TMEM132D: variants seen among roughly 807,000 people sequenced by gnomAD.
The protein encoded by TMEM132D is mature OL transmembrane protein.
TMEM132D carries 21 observed loss-of-function variants against 62.3 expected under a neutral mutation model. That is an observed-to-expected ratio of 0.34 (90% CI 0.24 to 0.49). The LOEUF (loss-of-function observed/expected upper bound fraction) is 0.49, where lower values mean the gene tolerates loss of function less well. Ranked by LOEUF, TMEM132D falls within the 20% of genes least tolerant of loss-of-function variation. The pLI is 0.99. For synonymous variants in TMEM132D, 621 were observed against 575.6 expected (o/e 1.08, Z -1.13); for missense variants, 1,346 against 1,402.8 (o/e 0.96, Z 0.65).
At chr12:129,525,064 T>G (rs1875980576) in intron 3 of TMEM132D, among the ~76,000 whole-genome samples, 1 of 148,744 alleles carries the variant, frequency 6.7e-6, no homozygotes, top group South Asian at 2.1e-4. Context: ...TAGCTGGGAC[T>G]ACAGGCGCCC....
intron 3 of TMEM132D, among the ~76,000 whole-genome samples, chr12:129,487,944 A>AG: frequency 8.0e-6 from 1 of 125,020 alleles, no homozygotes; most frequent in East Asian, 3.9e-4. Flanking sequence ...CTCAAAAAAA[A>AG]AAAAAAAAAA....
chr12:129,759,406 A>G (rs1347755379), intron 1 of TMEM132D, among the ~76,000 whole-genome samples: 1 of 152,210 alleles, frequency 6.6e-6, no homozygotes, highest in African/African-American at 2.4e-5. Context: ...CTAAGATCCA[A>G]AGGCCCTTTG....
At chr12:129,300,817 G>A (rs887183434) in intron 4 of TMEM132D, among the ~76,000 whole-genome samples, 2 of 152,174 alleles carry the variant, frequency 1.3e-5, no homozygotes, top group Non-Finnish European at 2.9e-5. Flanking sequence ...GATAGTTGCT[G>A]TTAGAAATAT....
intron 2 of TMEM132D, among the ~76,000 whole-genome samples, chr12:129,560,483 T>C (rs551787031): frequency 2.0e-5 from 3 of 152,226 alleles, no homozygotes; most frequent in East Asian, 3.9e-4. Flanking sequence ...TTGGCCATGC[T>C]GGTCTTGAAC....
intron 4 of TMEM132D, among the ~76,000 whole-genome samples, chr12:129,242,040 C>T (rs58784471): frequency 0.23 from 34,457 of 152,112 alleles, 4,044 homozygotes; most frequent in Non-Finnish European, 0.26. Flanking sequence ...CCTGGGGATT[C>T]GGCCAAGGGG....
chr12:129,697,622 G>A (rs532523637), intron 2 of TMEM132D, among the ~76,000 whole-genome samples: 6 of 152,148 alleles, frequency 3.9e-5, no homozygotes, highest in Non-Finnish European at 8.8e-5. Context: ...TAATTGATGG[G>A]CTCTGAACAA....
intron 5 of TMEM132D, among the ~76,000 whole-genome samples, chr12:129,101,619 A>G (rs552562911): frequency 4.6e-5 from 7 of 152,346 alleles, no homozygotes; most frequent in African/African-American, 1.7e-4. Flanking sequence ...GAGGTTGCTT[A>G]GTTACTAAGC....
intron 3 of TMEM132D, among the ~76,000 whole-genome samples, chr12:129,470,183 AG>A (rs1785478570): frequency 6.6e-6 from 1 of 152,232 alleles, no homozygotes; most frequent in South Asian, 2.1e-4. Flanking sequence ...GGACTATAAA[AG>A]CGATTTGTTT....
chr12:129,696,173 C>A (rs998687768), intron 2 of TMEM132D, among the ~76,000 whole-genome samples: 1 of 152,138 alleles, frequency 6.6e-6, no homozygotes, highest in African/African-American at 2.4e-5. Context: ...ATCGTCTGAG[C>A]CTCATCAATG....
At chr12:129,081,706 G>C (rs2135615489) in intron 7 of TMEM132D, 53 bp downstream of exon 7, 1 of 1,529,952 alleles carries the variant, frequency 6.5e-7, no homozygotes. Context: ...AGGTAGAGCA[G>C]AGGTGGGAAG....
intron 5 of TMEM132D, among the ~76,000 whole-genome samples, chr12:129,093,401 G>A (rs1874995569): frequency 6.6e-6 from 1 of 152,030 alleles, no homozygotes; most frequent in South Asian, 2.1e-4. Context: ...CAGACAAACA[G>A]AGAGCCAAAT....
chr12:129,436,881 AT>A (rs1339865852), intron 3 of TMEM132D, among the ~76,000 whole-genome samples: 1 of 152,190 alleles, frequency 6.6e-6, no homozygotes, highest in African/African-American at 2.4e-5. Flanking sequence ...CAAGAATGAG[AT>A]TTAAAAAGTC....
chr12:129,269,346 T>G (rs551334134), intron 4 of TMEM132D, among the ~76,000 whole-genome samples: 1 of 152,300 alleles, frequency 6.6e-6, no homozygotes, highest in South Asian at 2.1e-4. Flanking sequence ...GTACTTTTTC[T>G]GATACTTTTC....
intron 1 of TMEM132D, chr12:129,854,666 G>C (rs1860632953): frequency 2.0e-5 from 3 of 152,184 alleles, no homozygotes; most frequent in Non-Finnish European, 4.4e-5. Context: ...TGCCAGCTGC[G>C]GGCCAGGAAC....
At chr12:129,181,309 A>G (rs747414463) in intron 5 of TMEM132D, among the ~76,000 whole-genome samples, 2 of 152,106 alleles carry the variant, frequency 1.3e-5, no homozygotes, top group Non-Finnish European at 2.9e-5. Flanking sequence ...TATTTTCCCC[A>G]GGCCTCTAAA....
chr12:129,141,461 T>C (rs773216005), intron 5 of TMEM132D, among the ~76,000 whole-genome samples: 4 of 152,146 alleles, frequency 2.6e-5, no homozygotes, highest in Non-Finnish European at 5.9e-5. Flanking sequence ...CTGTATATGA[T>C]GGAAAAACTC....
At chr12:129,478,893 C>T (rs192748387) in intron 3 of TMEM132D, among the ~76,000 whole-genome samples, 12 of 152,292 alleles carry the variant, frequency 7.9e-5, no homozygotes, top group African/African-American at 2.9e-4. Context: ...TTTGCCCCTC[C>T]AAACTCACAC....
At position 129,258,893 on chromosome 12, in the gene TMEM132D, C is replaced by T. The variant is rs149482127; in HGVS notation, c.1300-49230G>A. Among the ~76,000 whole-genome samples, 1,437 of 152,154 alleles carry T rather than the reference C, an allele frequency of 9.4e-3. 6 individuals are homozygous for T. The highest frequency in any genetic ancestry group is 0.014 in the Non-Finnish European group (962 of 68,002). On this transcript the variant is annotated intron_variant, in intron 4 of 8. Transcript: ENST00000422113. ...AGGTGGGCGATGTGTGCCTTTAGTC[C>T]AGCTTCTTAGAAGCCTGGTCTGAGG...
chr12:129,577,693 T>G lies in TMEM132D; in HGVS notation c.969-46488A>C, dbSNP rs528098021. On this transcript the variant is annotated intron_variant, in intron 2 of 8. Transcript: ENST00000422113. ...GCAGGCCACAAGGTTCATGCGCAAC[T>G]TTTTTCAATTTGTCTCAAATGTTCA... Among the ~76,000 whole-genome samples, 8 of 149,808 alleles carry G rather than the reference T, an allele frequency of 5.3e-5. No homozygotes were observed. The East Asian group carries it at 1.5e-3, about 29-fold the overall frequency.
Sources: allele counts gnomAD v4.1 joint callset (sites outside exome capture counted in the v4.1 genomes callset), GRCh38; gene constraint gnomAD v4.1.1; transcripts MANE v1.5; gene names NCBI Gene and HGNC (gene_info 2026-07-23, HGNC 2026-07-21).